Variants in ARHGEF18 observed in about 807,000 individuals in gnomAD.
The protein encoded by ARHGEF18 is rho guanine nucleotide exchange factor 18.
Under a neutral mutation model 155.7 loss-of-function variants are expected in ARHGEF18, and 93 were observed. The ratio of observed to expected loss-of-function variants is 0.60; its 90% CI spans 0.50 to 0.71. The LOEUF (loss-of-function observed/expected upper bound fraction) is 0.71, where lower values mean the gene tolerates loss of function less well. Among genes scored for constraint, ARHGEF18 ranks in the 30% least tolerant of loss-of-function variants. ARHGEF18 has a pLI of 0.00. For missense variants in ARHGEF18, 1,593 were observed against 1,816.1 expected, an observed-to-expected ratio of 0.88 and a Z score of 2.23; for synonymous variants, 742 against 753.1, an observed-to-expected ratio of 0.99 and a Z score of 0.24.
At chr19:7,404,020 AT>A (rs1972160827) in intron 10 of ARHGEF18, among the ~76,000 whole-genome samples, 1 of 150,992 alleles carries the variant, frequency 6.6e-6, no homozygotes, top group Admixed American at 6.6e-5. Flanking sequence ...GTCAGACGAG[AT>A]TGAGCCAGTG....
chr19:7,395,390 C>G lies in ARHGEF18; in HGVS notation c.967+12187C>G. On this transcript the variant is annotated intron_variant, in intron 10 of 28. Coordinates refer to ENST00000668164, the MANE Select transcript of ARHGEF18 (RefSeq NM_001367823.1). The surrounding 1 kb of genome is among the most constrained non-coding windows in gnomAD (Gnocchi z 5.0). Reference sequence around the variant, plus strand: ...CTCCTGGGGGACTTCTCCAGGCAGGCGAACGGGTGCTGGGGTGCAGGCTGC... The same window carrying G: ...CTCCTGGGGGACTTCTCCAGGCAGGGGAACGGGTGCTGGGGTGCAGGCTGC... 1.1e-6 allele frequency: 1 copy of G among 870,614 alleles called. No homozygotes were observed. Among genetic ancestry groups the G allele is most frequent in the Non-Finnish European group, 1.4e-6 (1 of 725,204 alleles). 53.9% of individuals were successfully genotyped at this position (870,614 alleles called of 1,614,324 possible).
At chr19:7,469,377 A>G (rs891784303) in intron 27 of ARHGEF18, among the ~76,000 whole-genome samples, 7 of 152,248 alleles carry the variant, frequency 4.6e-5, no homozygotes, top group African/African-American at 1.7e-4. Flanking sequence ...GATGGGGACC[A>G]GGAGCCTTAG....
Position 7,467,569 on chromosome 19 carries a change from G to A in ARHGEF18, c.3365G>A (p.Arg1122Gln). Residue 1122 changes from arginine (R) to glutamine (Q), a missense_variant, in exon 26 of 29, where the codon CGG becomes CAG. Coordinates refer to ENST00000668164, the MANE Select transcript of ARHGEF18 (RefSeq NM_001367823.1). ...QRQAYQHDLE[R>Q]LREAQRAVER... ...CAGGCCTACCAGCACGACCTGGAGC[G>A]GCTGCGCGAGGCCCAGCGTGCCGTG... The A allele has an allele frequency of 1.3e-6, 2 of 1,492,828 alleles. No homozygotes were observed. The highest frequency in any genetic ancestry group is 1.8e-6 in the Non-Finnish European group (2 of 1,130,142). 92.5% of individuals were successfully genotyped at this position (1,492,828 alleles called of 1,614,324 possible).
At chr19:7,474,200 G>A (rs763150495), downstream of ARHGEF18, among the ~76,000 whole-genome samples, 11 of 151,900 alleles carry the variant, frequency 7.2e-5, no homozygotes, top group African/African-American at 2.7e-4. Context: ...TCAGCCGGGC[G>A]TGGTGGCAAA....
chr19:7,362,018 AGAAGG>A (rs1357741235), intron 1 of ARHGEF18, among the ~76,000 whole-genome samples: 850 of 38,570 alleles, frequency 0.022, 76 homozygotes, highest in East Asian at 0.072. Context: ...AAGAAGAAGG[AGAAGG>A]AGAAGGAGAA....
chr19:7,444,957 C>T lies in ARHGEF18; in HGVS notation c.1611+503C>T, dbSNP rs1207282096. 6.6e-6 allele frequency among the ~76,000 whole-genome samples: 1 copy of T among 152,136 alleles called. No individual in the cohort carries two copies. Among genetic ancestry groups the T allele is most frequent in the African/African-American group, 2.4e-5 (1 of 41,428 alleles). On this transcript the variant is annotated intron_variant, in intron 14 of 28. Coordinates refer to ENST00000668164, the MANE Select transcript of ARHGEF18 (RefSeq NM_001367823.1). The surrounding 1 kb of genome is among the most constrained non-coding windows in gnomAD (Gnocchi z 4.7). ...CAGCCTTTTCCTTTCAGTAATAAAA[C>T]GAGAGTGGCCCCTGAGGACACACAG...
At chr19:7,441,557 C>G in intron 11 of ARHGEF18, 96 bp from the exon 12 acceptor site, 1 of 866,446 alleles carries the variant, frequency 1.2e-6, no homozygotes, top group Non-Finnish European at 1.9e-6. Context: ...CAGAGAGTAT[C>G]GAATCGGATG....
At chr19:7,397,097 GAAAAAAAAA>G (rs35973104) in intron 10 of ARHGEF18, among the ~76,000 whole-genome samples, 1 of 62,294 alleles carries the variant, frequency 1.6e-5, no homozygotes, top group Non-Finnish European at 4.0e-5. Flanking sequence ...GCCTTTTTGC[GAAAAAAAAA>G]AAAAAAAAAA....
intron 10 of ARHGEF18, among the ~76,000 whole-genome samples, chr19:7,421,305 T>A (rs1973337465): frequency 6.6e-6 from 1 of 152,172 alleles, no homozygotes; most frequent in Admixed American, 6.5e-5. Flanking sequence ...CAGTCAGCCC[T>A]CTGCAGCCAC....
intron 2 of ARHGEF18, among the ~76,000 whole-genome samples, chr19:7,363,852 AAAGG>A (rs1253810803): frequency 6.7e-6 from 1 of 149,634 alleles, no homozygotes; most frequent in Admixed American, 6.6e-5. Context: ...GGGTGAGTGA[AAAGG>A]AAGGAAAAAA....
chr19:7,398,705 A>T (rs1021916320), intron 10 of ARHGEF18, among the ~76,000 whole-genome samples: 42 of 131,816 alleles, frequency 3.2e-4, no homozygotes, highest in East Asian at 3.1e-3. Context: ...AAAAAAAAAA[A>T]AATAAAGAAA....
rs1976350906 is a variant in ARHGEF18 at position 7,462,671 on chromosome 19, G to T, written c.2635+337G>T. 6.6e-6 allele frequency among the ~76,000 whole-genome samples: 1 copy of T among 151,914 alleles called. No individual in the cohort carries two copies. Among genetic ancestry groups the T allele is most frequent in the Non-Finnish European group, 1.5e-5 (1 of 68,016 alleles). ...AAGACTGGTTCCCTACCTACCAGAG[G>T]TTCCTCTTCTTCCTGGGAGGTGGGT... On this transcript the variant is annotated intron_variant, in intron 21 of 28. Coordinates refer to ENST00000668164, the MANE Select transcript of ARHGEF18 (RefSeq NM_001367823.1). The surrounding 1 kb of genome is among the most constrained non-coding windows in gnomAD (Gnocchi z 4.4).
intron 10 of ARHGEF18, among the ~76,000 whole-genome samples, chr19:7,386,642 C>T (rs1485591516): frequency 1.3e-5 from 2 of 152,044 alleles, no homozygotes; most frequent in African/African-American, 4.8e-5. Context: ...GTGCCCCGGG[C>T]AGCAGAAAGG....
intron 1 of ARHGEF18, among the ~76,000 whole-genome samples, chr19:7,362,017 G>A (rs4804537): frequency 0.28 from 12,840 of 45,550 alleles, 1,989 homozygotes; most frequent in East Asian, 0.36. Context: ...GAAGAAGAAG[G>A]AGAAGGAGAA....
At chr19:7,468,393 A>G (rs949027173) in intron 26 of ARHGEF18, among the ~76,000 whole-genome samples, 5 of 151,896 alleles carry the variant, frequency 3.3e-5, no homozygotes, top group South Asian at 2.1e-4. Context: ...AAAAAAATGC[A>G]AAAATTAGCA....
At position 7,463,466 on chromosome 19, in the gene ARHGEF18, C is replaced by T. The variant is rs1462974780; in HGVS notation, c.2636-352C>T. Among the ~76,000 whole-genome samples, 2 of 152,188 alleles carry T rather than the reference C, an allele frequency of 1.3e-5. No individual in the cohort carries two copies. The highest frequency in any genetic ancestry group is 1.5e-5 in the Non-Finnish European group (1 of 68,024). The stretch of plus-strand genomic sequence containing the variant: ...TGTATGGTCATTGTCATATAACACA[C>T]CAAGTGTTTCCTGCTGGCCCTGGGC... On this transcript the variant is annotated intron_variant, in intron 21 of 28. Transcript: ENST00000668164. The surrounding 1 kb of genome is among the most constrained non-coding windows in gnomAD (Gnocchi z 5.2).
chr19:7,470,309 A>C lies in ARHGEF18; in HGVS notation c.*11A>C, dbSNP rs1156917278. 1 of 1,508,556 alleles carries C rather than the reference A, an allele frequency of 6.6e-7. No individual in the cohort carries two copies. Among genetic ancestry groups the C allele is most frequent in the African/African-American group, 1.4e-5 (1 of 70,626 alleles). The allele number at this position is 1,508,556 out of a possible 1,614,324, so 93.4% of individuals were successfully genotyped here. ...GTCATCTTCTTCTAAAAGGGCCGTGACTCAAGGTGCAAGGCCCCTCCCTGC... is the reference window on the plus strand; with the variant it reads ...GTCATCTTCTTCTAAAAGGGCCGTGCCTCAAGGTGCAAGGCCCCTCCCTGC... On this transcript the variant is annotated 3_prime_UTR_variant, in exon 29 of 29. Transcript: ENST00000668164. The surrounding 1 kb of genome is among the most constrained non-coding windows in gnomAD (Gnocchi z 5.9).
At chr19:7,368,310 G>C (rs1003102986) in intron 2 of ARHGEF18, among the ~76,000 whole-genome samples, 2 of 152,002 alleles carry the variant, frequency 1.3e-5, no homozygotes, top group African/African-American at 4.8e-5. Context: ...ATCCCCCAAG[G>C]CTCCCCCAGG....
chr19:7,357,478 G>A lies in ARHGEF18; in HGVS notation c.-110-5303G>A, dbSNP rs1969358408. 2.6e-5 allele frequency among the ~76,000 whole-genome samples: 4 copies of A among 152,188 alleles called. No homozygotes were observed. In the South Asian group the frequency reaches 8.3e-4, roughly 32 times the overall value. The stretch of plus-strand genomic sequence containing the variant: ...ATGGCTGATGCTGTGGGGGCTGATA[G>A]TGGAGGAGGCTGCCTGGGACTGAAT... On this transcript the variant is annotated intron_variant, in intron 1 of 28. Coordinates refer to ENST00000668164, the MANE Select transcript of ARHGEF18 (RefSeq NM_001367823.1).
Sources: allele counts gnomAD v4.1 joint callset (sites outside exome capture counted in the v4.1 genomes callset), GRCh38; gene constraint gnomAD v4.1.1; non-coding constraint Gnocchi (gnomAD v3.1); transcripts MANE v1.5; gene names NCBI Gene and HGNC (gene_info 2026-07-23, HGNC 2026-07-21).